XKR6: variants seen among roughly 807,000 people sequenced by gnomAD.
The protein encoded by XKR6 is XK-related protein 6.
A neutral mutation model predicts 56.7 loss-of-function variants in XKR6; 22 were observed. The ratio of observed to expected loss-of-function variants is 0.39; its 90% CI spans 0.28 to 0.55. The LOEUF is 0.55. Among genes scored for constraint, XKR6 ranks in the 20% least tolerant of loss-of-function variants. XKR6 has a pLI of 0.66. For missense variants in XKR6, 852 were observed against 889.0 expected (o/e 0.96, Z 0.53); for synonymous variants, 524 against 387.8 (o/e 1.35, Z -4.13).
intron 1 of XKR6, among the ~76,000 whole-genome samples, chr8:11,036,674 T>G (rs1799152284): frequency 6.6e-6 from 1 of 152,252 alleles, no homozygotes. Context: ...GAGTGTTCTT[T>G]GGAGGGTTCA....
chr8:11,160,840 A>G (rs1801764313), intron 1 of XKR6, among the ~76,000 whole-genome samples: 1 of 131,372 alleles, frequency 7.6e-6, no homozygotes, highest in African/African-American at 2.9e-5. Context: ...TGAACCCGGG[A>G]GGCGGAGGTT....
chr8:10,942,436 C>A (rs1563301743), intron 1 of XKR6, among the ~76,000 whole-genome samples: 1 of 152,238 alleles, frequency 6.6e-6, no homozygotes, highest in Non-Finnish European at 1.5e-5. Context: ...GGCGAGGTCT[C>A]TTGCCTGTGC....
At chr8:11,142,739 C>T (rs1231344231) in intron 1 of XKR6, among the ~76,000 whole-genome samples, 8 of 152,082 alleles carry the variant, frequency 5.3e-5, no homozygotes, top group Non-Finnish European at 1.0e-4. Flanking sequence ...AACCATGAGC[C>T]AATTAAACCT....
intron 1 of XKR6, among the ~76,000 whole-genome samples, chr8:10,974,611 T>A (rs1802500376): frequency 6.6e-6 from 1 of 152,216 alleles, no homozygotes; most frequent in Admixed American, 6.5e-5. Flanking sequence ...GAGGTGACAG[T>A]GAGAGGCTGG....
chr8:11,116,473 C>T (rs543395403), intron 1 of XKR6, among the ~76,000 whole-genome samples: 11 of 152,234 alleles, frequency 7.2e-5, no homozygotes, highest in Admixed American at 3.9e-4. Flanking sequence ...TGGGTTCAAG[C>T]GATTCTCCTG....
At chr8:10,944,776 G>A (rs76077335) in intron 1 of XKR6, among the ~76,000 whole-genome samples, 1 of 152,132 alleles carries the variant, frequency 6.6e-6, no homozygotes, top group Admixed American at 6.5e-5. Flanking sequence ...CAAGGAAAAG[G>A]TGGGGGCCCA....
At chr8:11,093,896 G>C (rs546410707) in intron 1 of XKR6, among the ~76,000 whole-genome samples, 89 of 151,102 alleles carry the variant, frequency 5.9e-4, no homozygotes, top group Non-Finnish European at 9.4e-4. Flanking sequence ...CCATTCTCCT[G>C]CCTCAGCCTC....
intron 2 of XKR6, among the ~76,000 whole-genome samples, chr8:10,916,611 C>G (rs1800571145): frequency 6.6e-6 from 1 of 152,246 alleles, no homozygotes; most frequent in Non-Finnish European, 1.5e-5. Flanking sequence ...CTCCCTCCAC[C>G]TGGGGACAGA....
intron 1 of XKR6, among the ~76,000 whole-genome samples, chr8:10,927,117 T>A (rs1800910788): frequency 6.6e-6 from 1 of 152,136 alleles, no homozygotes; most frequent in African/African-American, 2.4e-5. Context: ...GAAGCAGATG[T>A]CATCATCGGT....
chr8:11,059,611 C>A (rs1799777863), intron 1 of XKR6, among the ~76,000 whole-genome samples: 1 of 151,326 alleles, frequency 6.6e-6, no homozygotes, highest in African/African-American at 2.4e-5. Flanking sequence ...AGGAGCAGGG[C>A]GCTGGGGGCG....
chr8:11,050,196 AAC>A (rs1311241960), intron 1 of XKR6, among the ~76,000 whole-genome samples: 2 of 152,228 alleles, frequency 1.3e-5, no homozygotes, highest in Non-Finnish European at 1.5e-5. Flanking sequence ...CTGGCTGAGT[AAC>A]AGAGACAAGC....
chr8:11,055,819 G>T (rs566700139), intron 1 of XKR6, among the ~76,000 whole-genome samples: 1 of 151,846 alleles, frequency 6.6e-6, no homozygotes. Context: ...GCCATGGGTC[G>T]GGGGTGGGCA....
chr8:11,112,815 A>C (rs1433274537), intron 1 of XKR6, among the ~76,000 whole-genome samples: 1 of 152,228 alleles, frequency 6.6e-6, no homozygotes. Context: ...ATTTTTTCTT[A>C]GTGTATGTGA....
At chr8:11,103,214 C>A (rs886407005) in intron 1 of XKR6, among the ~76,000 whole-genome samples, 13 of 152,174 alleles carry the variant, frequency 8.5e-5, no homozygotes, top group African/African-American at 3.1e-4. Flanking sequence ...ACAGAAACTA[C>A]AATTTGTTAC....
intron 1 of XKR6, among the ~76,000 whole-genome samples, chr8:11,059,330 G>GA (rs1799767395): frequency 6.6e-6 from 1 of 152,230 alleles, no homozygotes; most frequent in African/African-American, 2.4e-5. Flanking sequence ...GAAGTAAAAG[G>GA]TATGAGCGCC....
chr8:11,099,818 G>A (rs1798400116), intron 1 of XKR6, among the ~76,000 whole-genome samples: 1 of 152,192 alleles, frequency 6.6e-6, no homozygotes. Flanking sequence ...TGATGAGGAA[G>A]TTAAGGGAGA....
intron 2 of XKR6, among the ~76,000 whole-genome samples, chr8:10,912,490 C>T (rs201187469): frequency 1.0e-5 from 1 of 96,596 alleles, no homozygotes; most frequent in Non-Finnish European, 2.1e-5. Context: ...GAGAGAGAGA[C>T]AGGGTGTGTA....
At chr8:11,086,497 G>A (rs1797896438) in intron 1 of XKR6, among the ~76,000 whole-genome samples, 1 of 152,208 alleles carries the variant, frequency 6.6e-6, no homozygotes, top group African/African-American at 2.4e-5. Context: ...GCCATGGAAA[G>A]TCATTCCTAA....
chr8:10,958,924 G>A (rs148936481), intron 1 of XKR6, among the ~76,000 whole-genome samples: 3 of 152,332 alleles, frequency 2.0e-5, no homozygotes, highest in African/African-American at 4.8e-5. Flanking sequence ...TGGTGACAGC[G>A]GGTCTCACCT....
Sources: allele counts gnomAD v4.1 joint callset (sites outside exome capture counted in the v4.1 genomes callset), GRCh38; gene constraint gnomAD v4.1.1; transcripts MANE v1.5; gene names NCBI Gene and HGNC (gene_info 2026-07-23, HGNC 2026-07-21).